CELF2: variants seen among roughly 807,000 people sequenced by gnomAD.
CELF2 encodes the protein CUGBP Elav-like family member 2.
Under a neutral mutation model 62.6 loss-of-function variants are expected in CELF2, and 8 were observed. The ratio of observed to expected loss-of-function variants is 0.13; its 90% confidence interval spans 0.07 to 0.23. The LOEUF is 0.23. CELF2 is among the 10% of genes least tolerant of loss of function. The pLI is 1.00. For missense variants in CELF2, 333 were observed against 671.0 expected (o/e 0.50, Z 5.56); for synonymous variants, 258 against 250.0 (o/e 1.03, Z -0.30).
At chr10:11,136,878 C>T (rs2060519228) in intron 1 of CELF2, among the ~76,000 whole-genome samples, 1 of 152,288 alleles carries the variant, frequency 6.6e-6, no homozygotes, top group Admixed American at 6.5e-5. Context: ...ATTTTTGAAA[C>T]ACAGGCCACC....
At chr10:10,546,254 T>C in the CELF2 span, among the ~76,000 whole-genome samples, 1 of 152,178 alleles carries the variant, frequency 6.6e-6, no homozygotes, top group Admixed American at 6.5e-5. Context: ...TGCAGGATAA[T>C]GTGGCAGTCA....
chr10:11,302,180 G>A lies in CELF2; in HGVS notation c.977-11959G>A, dbSNP rs184704870. 1.3e-5 allele frequency among the ~76,000 whole-genome samples: 2 copies of A among 152,314 alleles called. No individual in the cohort carries two copies. Among genetic ancestry groups the A allele is most frequent in the Non-Finnish European group, 2.9e-5 (2 of 68,028 alleles). On this transcript the variant is annotated intron_variant, in intron 9 of 12. Coordinates refer to ENST00000633077, the MANE Select transcript of CELF2 (RefSeq NM_001326342.2). The surrounding 1 kb of genome is among the most constrained non-coding windows in gnomAD (Gnocchi z 5.0). ...CTGGGTTCCTTGGTGCCCAGTGACT[G>A]TTGCCCTTTCCTGTCACAAACCAAA...
chr10:10,954,420 AT>A (rs904024682), intron 2 of CELF2, among the ~76,000 whole-genome samples: 3 of 151,586 alleles, frequency 2.0e-5, no homozygotes, highest in East Asian at 1.9e-4. Flanking sequence ...TAATTTTTGT[AT>A]TTTTTTAGTA....
chr10:10,889,460 A>G (rs1035773367), intron 1 of CELF2, among the ~76,000 whole-genome samples: 1 of 152,172 alleles, frequency 6.6e-6, no homozygotes, highest in Non-Finnish European at 1.5e-5. Context: ...CTGAGCAAGT[A>G]TATATTATTG....
chr10:11,233,015 T>C (rs1192682246), intron 3 of CELF2, among the ~76,000 whole-genome samples: 1 of 152,074 alleles, frequency 6.6e-6, no homozygotes, highest in African/African-American at 2.4e-5. Flanking sequence ...CATGGCACAC[T>C]CTGTAAGTTT....
the CELF2 span, among the ~76,000 whole-genome samples, chr10:10,713,853 G>A: frequency 6.6e-6 from 1 of 152,092 alleles, no homozygotes; most frequent in Admixed American, 6.6e-5. Context: ...TGGCCAACGT[G>A]GTGAAACCCC....
chr10:11,175,830 A>G (rs910816825), intron 2 of CELF2, among the ~76,000 whole-genome samples: 2 of 152,190 alleles, frequency 1.3e-5, no homozygotes, highest in African/African-American at 4.8e-5. Context: ...CTGGGTGCCT[A>G]CTGTGTGCAA....
intron 1 of CELF2, among the ~76,000 whole-genome samples, chr10:11,111,974 G>T (rs533232353): frequency 6.6e-6 from 1 of 152,342 alleles, no homozygotes; most frequent in African/African-American, 2.4e-5. Context: ...TTTTTGTAAG[G>T]AAAACAGGCT....
the CELF2 span, among the ~76,000 whole-genome samples, chr10:10,762,792 C>T: frequency 2.6e-5 from 4 of 152,082 alleles, no homozygotes; most frequent in African/African-American, 4.8e-5. Flanking sequence ...CTGTAATCCC[C>T]GCACGTTGAG....
intron 1 of CELF2, among the ~76,000 whole-genome samples, chr10:11,022,428 G>C (rs2058479021): frequency 6.6e-6 from 1 of 152,102 alleles, no homozygotes; most frequent in African/African-American, 2.4e-5. Flanking sequence ...GGGGAAACAA[G>C]ACCCTTGAAA....
In CELF2 at chr10:11,269,814, T is replaced by G. The variant is rs1299480222; in HGVS notation, c.619-852T>G. Among the ~76,000 whole-genome samples, 1 of 152,212 alleles carries G rather than the reference T, an allele frequency of 6.6e-6. No individual in the cohort carries two copies. The highest frequency in any genetic ancestry group is 1.5e-5 in the Non-Finnish European group (1 of 68,042). ...AGCTCAGTAGTGAATTCTGTGACCTTTAGCCATTTCTTTCTCACTACCCCT... is the reference window on the plus strand; with the variant it reads ...AGCTCAGTAGTGAATTCTGTGACCTGTAGCCATTTCTTTCTCACTACCCCT... On this transcript the variant is annotated intron_variant, in intron 6 of 12. Coordinates refer to ENST00000633077, the MANE Select transcript of CELF2 (RefSeq NM_001326342.2). The surrounding 1 kb of genome is among the most constrained non-coding windows in gnomAD (Gnocchi z 4.4).
intron 1 of CELF2, among the ~76,000 whole-genome samples, chr10:11,139,527 C>A (rs983930718): frequency 2.6e-5 from 4 of 152,124 alleles, no homozygotes; most frequent in African/African-American, 9.7e-5. Flanking sequence ...TCAGTGTTTT[C>A]TTATAAATAG....
chr10:11,052,457 A>C (rs532992518), intron 1 of CELF2, among the ~76,000 whole-genome samples: 1 of 152,308 alleles, frequency 6.6e-6, no homozygotes, highest in Admixed American at 6.5e-5. Flanking sequence ...TTGGGCTCAG[A>C]TGCTGATGCT....
At chr10:10,586,452 C>A in the CELF2 span, among the ~76,000 whole-genome samples, 4 of 152,156 alleles carry the variant, frequency 2.6e-5, no homozygotes, top group East Asian at 5.8e-4. Context: ...AACACATACC[C>A]TAGTCCTTAA....
intron 1 of CELF2, among the ~76,000 whole-genome samples, chr10:11,095,410 T>A (rs751266322): frequency 2.0e-5 from 3 of 152,182 alleles, no homozygotes; most frequent in Non-Finnish European, 4.4e-5. Flanking sequence ...CAGAGTCCCA[T>A]CCGTGACTGT....
At chr10:10,466,882 C>A in the CELF2 span, among the ~76,000 whole-genome samples, 1 of 151,992 alleles carries the variant, frequency 6.6e-6, no homozygotes, top group South Asian at 2.1e-4. Context: ...TTTTATTGGG[C>A]TCCATGTGTC....
intron 8 of CELF2, among the ~76,000 whole-genome samples, chr10:11,283,280 G>A (rs1252464934): frequency 6.6e-6 from 1 of 152,218 alleles, no homozygotes; most frequent in Non-Finnish European, 1.5e-5. Context: ...CCTATTTCAA[G>A]AAACTGATGA....
At chr10:10,639,879 C>T in the CELF2 span, among the ~76,000 whole-genome samples, 1 of 152,134 alleles carries the variant, frequency 6.6e-6, no homozygotes, top group African/African-American at 2.4e-5. Context: ...TTCACATGGC[C>T]AGCACCATTC....
chr10:11,158,709 G>A (rs2065051281), intron 1 of CELF2, among the ~76,000 whole-genome samples: 1 of 152,114 alleles, frequency 6.6e-6, no homozygotes, highest in African/African-American at 2.4e-5. Flanking sequence ...CCAAATGCCT[G>A]TGTTCTGTGA....
Sources: allele counts gnomAD v4.1 joint callset (sites outside exome capture counted in the v4.1 genomes callset), GRCh38; gene constraint gnomAD v4.1.1; non-coding constraint Gnocchi (gnomAD v3.1); transcripts MANE v1.5; gene names NCBI Gene and HGNC (gene_info 2026-07-23, HGNC 2026-07-21).